The following NFE2L3 variants were observed in gnomAD, a reference collection of about 807,000 sequenced individuals.
The protein encoded by NFE2L3 is nuclear factor erythroid 2-related factor 3.
A neutral mutation model predicts 23.5 loss-of-function variants in NFE2L3; 18 were observed. The ratio of observed to expected loss-of-function variants is 0.77; its 90% confidence interval spans 0.53 to 1.13. The LOEUF is 1.13. NFE2L3 is among the 50% of genes most tolerant of loss of function. NFE2L3 has a pLI of 0.00. For synonymous variants in NFE2L3, 424 were observed against 354.5 expected (o/e 1.20, Z -2.20); for missense variants, 1,152 against 877.2 (o/e 1.31, Z -3.96).
chr7:26,178,878 T>C (rs975906150), intron 2 of NFE2L3, among the ~76,000 whole-genome samples: 1 of 152,136 alleles, frequency 6.6e-6, no homozygotes, highest in East Asian at 1.9e-4. Context: ...CCCTGACGGT[T>C]TTCTTAGGCA....
intron 1 of NFE2L3, among the ~76,000 whole-genome samples, chr7:26,158,372 G>A (rs1282489590): frequency 1.3e-5 from 2 of 152,146 alleles, no homozygotes; most frequent in Non-Finnish European, 2.9e-5. Flanking sequence ...AAGTATGGGG[G>A]TTAGGAGTTC....
At chr7:26,183,427 AATCCC>A (rs947176886) in intron 2 of NFE2L3, among the ~76,000 whole-genome samples, 2 of 152,022 alleles carry the variant, frequency 1.3e-5, no homozygotes, top group Admixed American at 6.6e-5. Context: ...GCACAGCTGT[AATCCC>A]AGCTACTCCG....
At chr7:26,155,083 T>G (rs1413553704) in intron 1 of NFE2L3, among the ~76,000 whole-genome samples, 1 of 152,242 alleles carries the variant, frequency 6.6e-6, no homozygotes, top group Non-Finnish European at 1.5e-5. Context: ...CCAGTTCACT[T>G]TTGTTGCCTT....
rs71521752 is a variant in NFE2L3, at chr7:26,181,326, T to C, written c.751-2375T>C. On this transcript the variant is annotated intron_variant, in intron 2 of 3. Coordinates refer to ENST00000056233, the MANE Select transcript of NFE2L3 (RefSeq NM_004289.7). ...AGATATTTCTGTTCTTTTATTGGGCTATTACTTAGTAGGTGCTTTTAAAGC... is the reference window on the plus strand; with the variant it reads ...AGATATTTCTGTTCTTTTATTGGGCCATTACTTAGTAGGTGCTTTTAAAGC... Among the ~76,000 whole-genome samples, 1,173 of 152,270 alleles carry C rather than the reference T, an allele frequency of 7.7e-3. 5 individuals carry two copies. Among genetic ancestry groups the C allele is most frequent in the Non-Finnish European group, 0.013 (866 of 68,018 alleles).
chr7:26,185,290 C>CAGAT lies in NFE2L3; in HGVS notation c.1596_1599dup (p.Asn534Ter), dbSNP rs867593033. 12 of 1,614,020 alleles carry CAGAT rather than the reference C, an allele frequency of 7.4e-6. No individual in the cohort carries two copies. The highest frequency in any genetic ancestry group is 1.1e-5 in the South Asian group (1 of 91,080). On this transcript the variant is annotated frameshift_variant, in exon 4 of 4. Coordinates refer to ENST00000056233, the MANE Select transcript of NFE2L3 (RefSeq NM_004289.7). LOFTEE classifies it low-confidence loss of function (END_TRUNC). The stretch of plus-strand genomic sequence containing the variant: ...ATAAGGAGTAGATACCTTGAAGACA[C>CAGAT]AGATAGAAACTTGAGCCGTGATGAA...
chr7:26,163,590 G>A (rs113193207), intron 1 of NFE2L3, among the ~76,000 whole-genome samples: 2 of 151,980 alleles, frequency 1.3e-5, no homozygotes, highest in African/African-American at 2.4e-5. Flanking sequence ...CAGGTGATCC[G>A]CCCACCTCAG....
At chr7:26,175,373 G>A (rs1318413617) in intron 1 of NFE2L3, among the ~76,000 whole-genome samples, 1 of 151,718 alleles carries the variant, frequency 6.6e-6, no homozygotes, top group Non-Finnish European at 1.5e-5. Flanking sequence ...AATAAATAAA[G>A]CAATATGTGT....
intron 1 of NFE2L3, among the ~76,000 whole-genome samples, chr7:26,165,335 T>C (rs2128098255): frequency 1.3e-5 from 2 of 152,334 alleles, no homozygotes; most frequent in Non-Finnish European, 2.9e-5. Flanking sequence ...TGAGCAGTGG[T>C]TTGTAGTTCT....
In NFE2L3 at chr7:26,185,697, A is replaced by G. The variant is rs1164236534; in HGVS notation, c.1999A>G (p.Thr667Ala). 1.9e-6 allele frequency: 3 copies of G among 1,613,702 alleles called. No homozygotes were observed. The highest frequency in any genetic ancestry group is 2.5e-6 in the Non-Finnish European group (3 of 1,179,764). The change falls in exon 4 of 4, where the codon ACC becomes GCC. Residue 667 changes from threonine to alanine, a missense_variant. Thr to Ala is a moderately conservative substitution (Grantham distance 58). Transcript: ENST00000056233. Reference protein sequence around the residue: ...VNPNHYALQCTHDGSILIVPK... With the variant: ...VNPNHYALQCAHDGSILIVPK... Reference sequence around the variant, plus strand: ...TCCCAACCACTATGCTCTCCAGTGTACCCATGATGGAAGTATCTTGATAGT... The same window carrying G: ...TCCCAACCACTATGCTCTCCAGTGTGCCCATGATGGAAGTATCTTGATAGT...
At chr7:26,176,554 A>G (rs1468492158) in intron 1 of NFE2L3, among the ~76,000 whole-genome samples, 9 of 108,882 alleles carry the variant, frequency 8.3e-5, no homozygotes, top group Admixed American at 4.5e-4. Context: ...CGGGGTGGCC[A>G]GGCAGAGGCG....
chr7:26,174,086 G>A (rs1784362308), intron 1 of NFE2L3: 1 of 152,310 alleles, frequency 6.6e-6, no homozygotes, highest in African/African-American at 2.4e-5. Context: ...GGGCTGTGAA[G>A]TGGGAGAGTG....
chr7:26,152,830 G>C lies in NFE2L3; in HGVS notation c.332G>C (p.Trp111Ser). The C allele has an allele frequency of 2.7e-6, 4 of 1,485,392 alleles. No individual in the cohort carries two copies. The highest frequency in any genetic ancestry group is 3.6e-6 in the Non-Finnish European group (4 of 1,125,658). 92.0% of individuals were successfully genotyped at this position (1,485,392 alleles called of 1,614,324 possible). Residue 111 changes from tryptophan to serine, a missense_variant, in exon 1 of 4, where the codon TGG becomes TCG. By Grantham distance (177) the Trp-to-Ser change is radical. Coordinates refer to ENST00000056233, the MANE Select transcript of NFE2L3 (RefSeq NM_004289.7). This position sits in a 1 kb window ranked among gnomAD's most constrained non-coding sequence, Gnocchi z 4.4. ...GTCCCTCGCACCAGCGTGGATGCAT[G>C]GCTGGTGCACAGCGTGGCTGCCGGG... ...PFVPRTSVDA[W>S]LVHSVAAGSA...
chr7:26,174,912 A>G (rs1441305938), intron 1 of NFE2L3: 1 of 152,226 alleles, frequency 6.6e-6, no homozygotes, highest in East Asian at 1.9e-4. Flanking sequence ...TGGTAACCAT[A>G]TTTGAATGTT....
intron 2 of NFE2L3, among the ~76,000 whole-genome samples, chr7:26,179,796 G>A (rs544262300): frequency 4.6e-5 from 7 of 152,178 alleles, no homozygotes; most frequent in Non-Finnish European, 8.8e-5. Context: ...TTTCTCTGGG[G>A]TTGAGGGTGT....
chr7:26,178,809 C>T (rs1176802496), intron 2 of NFE2L3, among the ~76,000 whole-genome samples: 1 of 152,112 alleles, frequency 6.6e-6, no homozygotes. Context: ...AACAGGCACT[C>T]GAGATATTTA....
intron 1 of NFE2L3, among the ~76,000 whole-genome samples, chr7:26,154,388 C>T (rs1258713939): frequency 6.6e-6 from 1 of 152,162 alleles, no homozygotes; most frequent in Non-Finnish European, 1.5e-5. Flanking sequence ...AAACCTAGTG[C>T]TGGATGCTGT....
intron 1 of NFE2L3, among the ~76,000 whole-genome samples, chr7:26,171,250 TAAG>T: frequency 6.6e-6 from 1 of 152,266 alleles, no homozygotes; most frequent in East Asian, 1.9e-4. Context: ...TATGCACCAT[TAAG>T]AAGCCAGTTA....
rs1562680308 is a variant in NFE2L3 at position 26,184,835 on chromosome 7, CCTA to C, written c.1140_1142del (p.Leu381del). The C allele has an allele frequency of 1.2e-6, 2 of 1,613,954 alleles. No individual in the cohort carries two copies. Among genetic ancestry groups the C allele is most frequent in the South Asian group, 2.2e-5 (2 of 91,072 alleles). ...ATATGAGGAATCTAACAAGCCAAGA[CCTA>C]CTGTATGACCTTGACATAAATATAT... On this transcript the variant is annotated inframe_deletion, in exon 4 of 4. Coordinates refer to ENST00000056233, the MANE Select transcript of NFE2L3 (RefSeq NM_004289.7).
At chr7:26,168,964 C>G (rs1360164621) in intron 1 of NFE2L3, among the ~76,000 whole-genome samples, 1 of 152,196 alleles carries the variant, frequency 6.6e-6, no homozygotes, top group Non-Finnish European at 1.5e-5. Flanking sequence ...TGTTACCCAG[C>G]TACTGGGTAG....
Sources: allele counts gnomAD v4.1 joint callset (sites outside exome capture counted in the v4.1 genomes callset), GRCh38; gene constraint gnomAD v4.1.1; non-coding constraint Gnocchi (gnomAD v3.1); transcripts MANE v1.5; gene names NCBI Gene and HGNC (gene_info 2026-07-23, HGNC 2026-07-21).